The following CPQ variants were observed in gnomAD, a reference collection of about 807,000 sequenced individuals.
CPQ encodes the protein carboxypeptidase Q, also known as Ser-Met dipeptidase.
A neutral mutation model predicts 45.7 loss-of-function variants in CPQ; 37 were observed. The ratio of observed to expected loss-of-function variants is 0.81; its 90% CI spans 0.62 to 1.07. The LOEUF is 1.07. Ranked by LOEUF, CPQ falls within the 50% of genes least tolerant of loss-of-function variation. The pLI, the probability that CPQ is intolerant of heterozygous loss-of-function variation, is 0.00. For synonymous variants in CPQ, 186 were observed against 205.8 expected (o/e 0.90, Z 0.82); for missense variants, 537 against 572.9 (o/e 0.94, Z 0.64).
chr8:96,689,807 G>A (rs1021982791), intron 1 of CPQ, among the ~76,000 whole-genome samples: 2 of 151,864 alleles, frequency 1.3e-5, no homozygotes, highest in Non-Finnish European at 2.9e-5. Context: ...AAGTGTAATT[G>A]ATTTCCATTT....
chr8:96,877,027 T>C (rs894699672), intron 3 of CPQ, among the ~76,000 whole-genome samples: 1 of 152,214 alleles, frequency 6.6e-6, no homozygotes, highest in Non-Finnish European at 1.5e-5. Flanking sequence ...AAATCTTATT[T>C]AGATTAGTTA....
chr8:96,839,739 T>C lies in CPQ; in HGVS notation c.641+4559T>C, dbSNP rs80029178. On this transcript the variant is annotated intron_variant, in intron 3 of 7. Coordinates refer to ENST00000220763, the MANE Select transcript of CPQ (RefSeq NM_016134.4). ...CAAAAGAGAAGGGGGTAAGAACATG[T>C]AAGTGATTAGTGTTATTTATTTTAT... Among the ~76,000 whole-genome samples, 16 of 152,268 alleles carry C rather than the reference T, an allele frequency of 1.1e-4. No individual in the cohort carries two copies. The East Asian group carries it at 3.1e-3, about 29-fold the overall frequency.
At chr8:96,669,522 A>C (rs1231345358) in intron 1 of CPQ, among the ~76,000 whole-genome samples, 1 of 152,214 alleles carries the variant, frequency 6.6e-6, no homozygotes, top group East Asian at 1.9e-4. Context: ...AACATAATAT[A>C]AATATCTGGG....
At chr8:96,730,177 A>G (rs997943304) in intron 1 of CPQ, among the ~76,000 whole-genome samples, 69 of 152,314 alleles carry the variant, frequency 4.5e-4, no homozygotes, top group African/African-American at 1.6e-3. Context: ...GAACTGGGTA[A>G]TGTTTTTCTC....
intron 1 of CPQ, among the ~76,000 whole-genome samples, chr8:96,709,742 A>G (rs745351918): frequency 6.6e-4 from 101 of 152,266 alleles, no homozygotes; most frequent in Non-Finnish European, 1.2e-3. Context: ...CCACTTGATC[A>G]TGGTGAATTA....
At chr8:96,797,474 T>C (rs1810947401) in intron 2 of CPQ, among the ~76,000 whole-genome samples, 1 of 152,184 alleles carries the variant, frequency 6.6e-6, no homozygotes, top group Non-Finnish European at 1.5e-5. Context: ...CCAATAGCAT[T>C]GTGGTCCTCT....
intron 3 of CPQ, among the ~76,000 whole-genome samples, chr8:96,868,157 T>G (rs1812019046): frequency 6.6e-6 from 1 of 152,038 alleles, no homozygotes; most frequent in South Asian, 2.1e-4. Context: ...CAGAGTGAGG[T>G]TGAGGCCAAC....
intron 7 of CPQ, among the ~76,000 whole-genome samples, chr8:97,099,458 A>T (rs954912899): frequency 6.6e-6 from 1 of 151,778 alleles, no homozygotes; most frequent in Non-Finnish European, 1.5e-5. Flanking sequence ...ATCACATCCT[A>T]TCAGGCTTAG....
intron 7 of CPQ, among the ~76,000 whole-genome samples, chr8:97,137,932 T>TATC (rs1010628102): frequency 2.6e-5 from 4 of 152,306 alleles, no homozygotes; most frequent in African/African-American, 9.6e-5. Flanking sequence ...GAAATGTGGT[T>TATC]ATCTGTGCCT....
intron 6 of CPQ, among the ~76,000 whole-genome samples, chr8:97,045,206 C>G (rs939124721): frequency 3.3e-5 from 5 of 152,216 alleles, no homozygotes; most frequent in African/African-American, 1.2e-4. Context: ...CGCCCCTCCC[C>G]CAGCCTCGCT....
At chr8:96,653,419 T>G (rs760980750) in intron 1 of CPQ, among the ~76,000 whole-genome samples, 15 of 152,122 alleles carry the variant, frequency 9.9e-5, no homozygotes, top group Non-Finnish European at 1.5e-4. Context: ...AGGTTGCTTG[T>G]TTTCTTGCTA....
chr8:96,672,346 A>G (rs888507614), intron 1 of CPQ, among the ~76,000 whole-genome samples: 7 of 152,158 alleles, frequency 4.6e-5, no homozygotes, highest in African/African-American at 1.7e-4. Flanking sequence ...GGTACTGGGG[A>G]TATAGCAGTG....
intron 6 of CPQ, among the ~76,000 whole-genome samples, chr8:97,045,885 C>T (rs1257269125): frequency 6.6e-6 from 1 of 152,236 alleles, no homozygotes; most frequent in African/African-American, 2.4e-5. Context: ...CAGAAAGCAG[C>T]TCCTCGCTGG....
At chr8:96,659,932 G>A (rs4552870) in intron 1 of CPQ, among the ~76,000 whole-genome samples, 1,779 of 152,302 alleles carry the variant, frequency 0.012, 43 homozygotes, top group African/African-American at 0.039. Context: ...CTCAGAGTTA[G>A]ATCATAAGTT....
intron 2 of CPQ, among the ~76,000 whole-genome samples, chr8:96,821,901 ACATTTTTTT>A (rs1811312594): frequency 6.6e-6 from 1 of 152,012 alleles, no homozygotes; most frequent in Non-Finnish European, 1.5e-5. Flanking sequence ...CACATACTTA[ACATTTTTTT>A]GTGGTGATAA....
At chr8:96,746,571 T>C (rs1373096911) in intron 1 of CPQ, among the ~76,000 whole-genome samples, 2 of 152,186 alleles carry the variant, frequency 1.3e-5, no homozygotes, top group Non-Finnish European at 2.9e-5. Flanking sequence ...CAAGTAACCA[T>C]TTCGCCTTCT....
At chr8:97,054,327 C>T (rs940612261) in intron 6 of CPQ, among the ~76,000 whole-genome samples, 12 of 152,040 alleles carry the variant, frequency 7.9e-5, no homozygotes, top group African/African-American at 2.2e-4. Flanking sequence ...CTGGTGGGAA[C>T]GTAAATTAGT....
chr8:97,076,259 C>T lies in CPQ; in HGVS notation c.1255+10049C>T, dbSNP rs565501574. Among the ~76,000 whole-genome samples the T allele has an allele frequency of 1.4e-4, 21 of 151,726 alleles. 1 individual carries two copies. In the East Asian group the frequency reaches 4.1e-3, roughly 29 times the overall value. ...CAGGCTGGTCTCGAACACCTGACGT[C>T]GTGATCCTCCTGCCTCAGCCTCCCA... On this transcript the variant is annotated intron_variant, in intron 7 of 7. Coordinates refer to ENST00000220763, the MANE Select transcript of CPQ (RefSeq NM_016134.4).
intron 1 of CPQ, among the ~76,000 whole-genome samples, chr8:96,698,578 A>C (rs565668639): frequency 6.6e-6 from 1 of 152,294 alleles, no homozygotes; most frequent in South Asian, 2.1e-4. Context: ...ATGGGAGAAA[A>C]TATTTGGAAA....
Sources: allele counts gnomAD v4.1 joint callset (sites outside exome capture counted in the v4.1 genomes callset), GRCh38; gene constraint gnomAD v4.1.1; transcripts MANE v1.5; gene names NCBI Gene and HGNC (gene_info 2026-07-23, HGNC 2026-07-21).